Variants in DOT1L observed in about 807,000 individuals in gnomAD.
DOT1L encodes histone-lysine N-methyltransferase, H3 lysine-79 specific.
DOT1L carries 33 observed loss-of-function variants against 153.3 expected under a neutral mutation model. The ratio of observed to expected loss-of-function variants is 0.22; its 90% CI spans 0.16 to 0.29. DOT1L has a LOEUF of 0.29. Among genes scored for constraint, DOT1L ranks in the 10% least tolerant of loss-of-function variants. The pLI is 1.00. For missense variants in DOT1L, 1,847 were observed against 2,119.9 expected (o/e 0.87, Z 2.53); for synonymous variants, 1,135 against 965.1 (o/e 1.18, Z -3.26).
chr19:2,182,305 G>C (rs527433915), intron 2 of DOT1L, among the ~76,000 whole-genome samples: 223 of 152,308 alleles, frequency 1.5e-3, no homozygotes, highest in Non-Finnish European at 2.5e-3. Flanking sequence ...TGCTTTGAGA[G>C]GCTGGGAGGG....
chr19:2,169,304 T>C lies in DOT1L; in HGVS notation c.81+5039T>C, dbSNP rs2020040769. 2.0e-5 allele frequency among the ~76,000 whole-genome samples: 3 copies of C among 152,144 alleles called. No homozygotes were observed. The East Asian group carries it at 5.8e-4, about 29-fold the overall frequency. On this transcript the variant is annotated intron_variant, in intron 1 of 27. Transcript: ENST00000398665. ...CAGCTCCCCCGGAGGCAGATTAACC[T>C]TTAGGCAGCTTTGTGTGAGTAAAGG...
chr19:2,218,828 C>T (rs2024008093), intron 22 of DOT1L, among the ~76,000 whole-genome samples: 1 of 152,134 alleles, frequency 6.6e-6, no homozygotes, highest in African/African-American at 2.4e-5. Flanking sequence ...TCCCGAGTAG[C>T]TGGGATTACA....
At chr19:2,187,869 CT>C (rs1369382097) in intron 3 of DOT1L, among the ~76,000 whole-genome samples, 2 of 148,620 alleles carry the variant, frequency 1.3e-5, no homozygotes, top group Admixed American at 6.8e-5. Context: ...TTGCAGTGAG[CT>C]GAGATCGCGC....
rs141495828 is a variant in DOT1L, at chr19:2,214,950, T to C, written c.1923+354T>C. On this transcript the variant is annotated intron_variant, in intron 19 of 27. Coordinates refer to ENST00000398665, the MANE Select transcript of DOT1L (RefSeq NM_032482.3). ...AAAACAGCTGGATCGGTGCAGGGGC[T>C]TATGCCTGTAATCCCAGCACCTTGG... 3.5e-4 allele frequency among the ~76,000 whole-genome samples: 53 copies of C among 152,254 alleles called. No individual in the cohort carries two copies. In the Middle Eastern group the frequency reaches 0.014, roughly 39 times the overall value.
intron 7 of DOT1L, among the ~76,000 whole-genome samples, chr19:2,196,480 A>G (rs2023025265): frequency 6.6e-6 from 1 of 152,122 alleles, no homozygotes; most frequent in South Asian, 2.1e-4. Context: ...TTAAAGGCGC[A>G]TGCCACCACG....
At position 2,232,486 on chromosome 19, in the gene DOT1L, C is replaced by T. The variant is rs2024648873; in HGVS notation, c.*2694C>T. ...GGATTGCGCGCATTGTCACGGTCCG[C>T]CCCTGGGCTGCAGGCGCCCCTTCCT... On this transcript the variant is annotated 3_prime_UTR_variant, in exon 28 of 28. Transcript: ENST00000398665. 1 of 222,430 alleles carries T rather than the reference C, an allele frequency of 4.5e-6. No homozygotes were observed. Among genetic ancestry groups the T allele is most frequent in the East Asian group, 6.5e-5 (1 of 15,376 alleles). 13.8% of individuals were successfully genotyped at this position (222,430 alleles called of 1,614,324 possible).
intron 27 of DOT1L, chr19:2,227,752 C>T (rs757695344): frequency 7.6e-6 from 10 of 1,318,106 alleles, no homozygotes; most frequent in Admixed American, 4.4e-5. Context: ...TTTAACCACG[C>T]GGTGCCCTCC....
intron 25 of DOT1L, among the ~76,000 whole-genome samples, chr19:2,224,486 GAC>G (rs986753314): frequency 3.5e-5 from 5 of 141,376 alleles, no homozygotes; most frequent in South Asian, 2.2e-4. Flanking sequence ...TTTTTCCTGA[GAC>G]ACAGAGTTTT....
intron 27 of DOT1L, chr19:2,228,317 C>G (rs773991994): frequency 6.0e-6 from 8 of 1,341,866 alleles, no homozygotes; most frequent in Non-Finnish European, 7.9e-6. Flanking sequence ...CTCCCTATGC[C>G]GCGCACCTTT....
intron 26 of DOT1L, among the ~76,000 whole-genome samples, chr19:2,225,741 C>T (rs1031019030): frequency 6.6e-6 from 1 of 152,182 alleles, no homozygotes; most frequent in African/African-American, 2.4e-5. Context: ...GGATCGTCAC[C>T]TTGGGTCCCC....
chr19:2,203,278 T>A (rs2023364964), intron 9 of DOT1L, among the ~76,000 whole-genome samples: 1 of 152,124 alleles, frequency 6.6e-6, no homozygotes, highest in Non-Finnish European at 1.5e-5. Context: ...TTTTGTACTT[T>A]TAGTAGAGAC....
In DOT1L at chr19:2,202,691, G is replaced by A; in HGVS notation, c.708-9G>A. 1 of 1,613,942 alleles carries A rather than the reference G, an allele frequency of 6.2e-7. No individual in the cohort carries two copies. The highest frequency in any genetic ancestry group is 8.5e-7 in the Non-Finnish European group (1 of 1,179,800). ...CTTCATGGCACTGAACTGGAGTATT[G>A]TTTTGCAGTGTTATATTTGTGAATA... is the stretch of plus-strand genomic sequence containing the variant. On this transcript the variant is annotated splice_polypyrimidine_tract_variant and intron_variant, in intron 8 of 27. Transcript: ENST00000398665.
At chr19:2,177,154 T>C (rs1174585101) in intron 1 of DOT1L, among the ~76,000 whole-genome samples, 1 of 152,168 alleles carries the variant, frequency 6.6e-6, no homozygotes, top group East Asian at 1.9e-4. Flanking sequence ...GGAGCGGCAC[T>C]GTCCTGACGG....
At chr19:2,183,478 C>A (rs997686172) in intron 2 of DOT1L, among the ~76,000 whole-genome samples, 1 of 152,110 alleles carries the variant, frequency 6.6e-6, no homozygotes, top group Non-Finnish European at 1.5e-5. Flanking sequence ...CTGTCCTAGG[C>A]TCTCCTCGTT....
At position 2,232,549 on chromosome 19, in the gene DOT1L, G is replaced by A. The variant is rs1216517992; in HGVS notation, c.*2757G>A. ...GCATTCTGCATCCCCACCTCTAGAC[G>A]CTGTAATAAACAGACTGTTTTCACT... On this transcript the variant is annotated 3_prime_UTR_variant, in exon 28 of 28. Coordinates refer to ENST00000398665, the MANE Select transcript of DOT1L (RefSeq NM_032482.3). The A allele has an allele frequency of 4.7e-5, 10 of 211,816 alleles. No homozygotes were observed. The highest frequency in any genetic ancestry group is 9.6e-5 in the Non-Finnish European group (10 of 104,506). 13.1% of individuals were successfully genotyped at this position (211,816 alleles called of 1,614,324 possible). A position where few individuals can be genotyped will look rare whatever the true frequency, so the allele number is the denominator to read the frequency against.
At chr19:2,216,125 C>A in intron 19 of DOT1L, 156 bp from the exon 20 acceptor site, 2 of 1,146,286 alleles carry the variant, frequency 1.7e-6, no homozygotes, top group South Asian at 3.3e-5. Flanking sequence ...CCCAGCTTCC[C>A]GACCCCGCCT....
chr19:2,186,662 G>A (rs542617231), intron 3 of DOT1L, among the ~76,000 whole-genome samples: 4 of 152,196 alleles, frequency 2.6e-5, no homozygotes, highest in African/African-American at 7.2e-5. Context: ...TGGGGTCAGC[G>A]GTCTCAGCCT....
At position 2,232,091 on chromosome 19, in the gene DOT1L, G is replaced by C; in HGVS notation, c.*2299G>C. Reference sequence around the variant, plus strand: ...GGTGGCTGTGGAGACTGGGGATCTGGAGCCTGGTGCTGGCACCTGGCCTGA... The same window carrying C: ...GGTGGCTGTGGAGACTGGGGATCTGCAGCCTGGTGCTGGCACCTGGCCTGA... On this transcript the variant is annotated 3_prime_UTR_variant, in exon 28 of 28. Coordinates refer to ENST00000398665, the MANE Select transcript of DOT1L (RefSeq NM_032482.3). The C allele has an allele frequency of 4.6e-6, 1 of 216,770 alleles. No individual in the cohort carries two copies. Among genetic ancestry groups the C allele is most frequent in the East Asian group, 6.8e-5 (1 of 14,808 alleles). The allele number at this position is 216,770 out of a possible 1,614,324, so 13.4% of individuals were successfully genotyped here.
rs1011969318 is a variant in DOT1L at position 2,207,278 on chromosome 19, C to T, written c.857-296C>T. Among the ~76,000 whole-genome samples, 1 of 152,202 alleles carries T rather than the reference C, an allele frequency of 6.6e-6. No individual in the cohort carries two copies. The highest frequency in any genetic ancestry group is 1.5e-5 in the Non-Finnish European group (1 of 68,032). Reference sequence around the variant, plus strand: ...GGTGCCTGTGTTGCTGGATGCTGGCCGTTCTTGCAGCCGTGATCTAAGTCG... The same window carrying T: ...GGTGCCTGTGTTGCTGGATGCTGGCTGTTCTTGCAGCCGTGATCTAAGTCG... On this transcript the variant is annotated intron_variant, in intron 10 of 27. Transcript: ENST00000398665. This position sits in a 1 kb window ranked among gnomAD's most constrained non-coding sequence, Gnocchi z 4.5.
Sources: allele counts gnomAD v4.1 joint callset (sites outside exome capture counted in the v4.1 genomes callset), GRCh38; gene constraint gnomAD v4.1.1; non-coding constraint Gnocchi (gnomAD v3.1); transcripts MANE v1.5; gene names NCBI Gene and HGNC (gene_info 2026-07-23, HGNC 2026-07-21).